PLEKHS1: variants seen among roughly 807,000 people sequenced by gnomAD.
PLEKHS1 encodes the protein pleckstrin homology domain containing S1.
Under a neutral mutation model 51.0 loss-of-function variants are expected in PLEKHS1, and 55 were observed. That is an observed-to-expected ratio of 1.08 (90% CI 0.87 to 1.35). The LOEUF (loss-of-function observed/expected upper bound fraction) is 1.35. Among genes scored for constraint, PLEKHS1 ranks in the 40% most tolerant of loss-of-function variants. The pLI is 0.00. For missense variants in PLEKHS1, 398 were observed against 423.0 expected, an observed-to-expected ratio of 0.94 and a Z score of 0.52; for synonymous variants, 153 against 144.8, an observed-to-expected ratio of 1.06 and a Z score of -0.41.
At chr10:113,772,155 A>G in intron 8 of PLEKHS1, 66 bp downstream of exon 8, 1 of 1,567,012 alleles carries the variant, frequency 6.4e-7, no homozygotes, top group Admixed American at 1.7e-5. Flanking sequence ...CCTGCCATGC[A>G]CTTTTCGTGC....
chr10:113,780,271 T>G (rs1453935422), intron 11 of PLEKHS1, among the ~76,000 whole-genome samples: 2 of 152,186 alleles, frequency 1.3e-5, no homozygotes. Context: ...GGGGGAGTCC[T>G]GTCTGGTGGT....
chr10:113,775,183 T>A, intron 10 of PLEKHS1, 148 bp downstream of exon 10: 1 of 727,394 alleles, frequency 1.4e-6, no homozygotes, highest in South Asian at 1.9e-5. Context: ...TCCCTGTCAT[T>A]GATGTTGTGG....
At position 113,755,324 on chromosome 10, in the gene PLEKHS1, C is replaced by A; in HGVS notation, c.28+19C>A. On this transcript the variant is annotated intron_variant, in intron 2 of 11. Coordinates refer to ENST00000361048, the Ensembl canonical transcript of PLEKHS1. Reference sequence around the variant, plus strand: ...AGTCCAGGTACCCGAGGGGTATAATCGCAGAAGCAGAAATCTTTTTATTGA... The same window carrying A: ...AGTCCAGGTACCCGAGGGGTATAATAGCAGAAGCAGAAATCTTTTTATTGA... 6.2e-7 allele frequency: 1 copy of A among 1,602,586 alleles called. No homozygotes were observed. The highest frequency in any genetic ancestry group is 1.3e-5 in the African/African-American group (1 of 74,416).
intron 2 of PLEKHS1, among the ~76,000 whole-genome samples, chr10:113,760,511 G>T (rs1470670717): frequency 6.6e-6 from 1 of 152,100 alleles, no homozygotes; most frequent in African/African-American, 2.4e-5. Context: ...ATCCTAGTGA[G>T]CATGAAGTGG....
intron 1 of PLEKHS1, among the ~76,000 whole-genome samples, chr10:113,753,432 T>C (rs546110728): frequency 1.3e-5 from 2 of 152,204 alleles, no homozygotes; most frequent in African/African-American, 4.8e-5. Flanking sequence ...TCACACAGAA[T>C]TGCTCTTCCA....
intron 11 of PLEKHS1, chr10:113,777,137 G>A (rs1329431512): frequency 2.5e-6 from 4 of 1,612,670 alleles, no homozygotes; most frequent in Non-Finnish European, 3.4e-6. Context: ...GTCTCAGTGG[G>A]AAGGCCCCCC....
intron 9 of PLEKHS1, 108 bp from the exon 10 acceptor site, chr10:113,774,717 AC>A: frequency 5.4e-6 from 5 of 927,390 alleles, no homozygotes; most frequent in Non-Finnish European, 8.4e-6. Flanking sequence ...ATACGTCAAG[AC>A]CTTGCTAGTC....
chr10:113,771,049 C>T (rs868477089), intron 7 of PLEKHS1, among the ~76,000 whole-genome samples: 2 of 152,254 alleles, frequency 1.3e-5, no homozygotes, highest in Middle Eastern at 3.4e-3. Flanking sequence ...TTTCCAAACC[C>T]CCTGCTCTGA....
rs139555650 is a variant in PLEKHS1 at position 113,764,161 on chromosome 10, C to T, written c.29-2250C>T. 7.0e-3 allele frequency among the ~76,000 whole-genome samples: 1,067 copies of T among 152,194 alleles called. 20 individuals are homozygous for T. The highest frequency in any genetic ancestry group is 0.022 in the African/African-American group (920 of 41,518). On this transcript the variant is annotated intron_variant, in intron 2 of 11. Transcript: ENST00000361048. The stretch of plus-strand genomic sequence containing the variant: ...TATCGCCCAGGCTGGAGTGCAGTGG[C>T]GCTATCTCGGCTCACTGCAACCTCT...
chr10:113,772,221 C>T (rs1238106680), intron 8 of PLEKHS1, 132 bp downstream of exon 8: 1 of 929,338 alleles, frequency 1.1e-6, no homozygotes, highest in Non-Finnish European at 1.6e-6. Context: ...AGATGACGTG[C>T]TCATGGTGCT....
chr10:113,773,449 T>C (rs1182842396), intron 8 of PLEKHS1, among the ~76,000 whole-genome samples: 4 of 151,774 alleles, frequency 2.6e-5, no homozygotes, highest in Non-Finnish European at 5.9e-5. Flanking sequence ...AATAAATAAG[T>C]AAAAAAACTA....
chr10:113,771,475 C>G (rs1252529483), intron 7 of PLEKHS1, among the ~76,000 whole-genome samples: 1 of 151,744 alleles, frequency 6.6e-6, no homozygotes, highest in Non-Finnish European at 1.5e-5. Flanking sequence ...AGTTTGAGAC[C>G]AGCCTGGCCA....
chr10:113,769,743 A>C (rs1435388155), intron 6 of PLEKHS1, 41 bp from the exon 7 acceptor site: 2 of 1,277,236 alleles, frequency 1.6e-6, no homozygotes, highest in East Asian at 4.6e-5. Flanking sequence ...TTCCAGACAG[A>C]GATCAACTGT....
chr10:113,762,543 A>C lies in PLEKHS1; in HGVS notation c.29-3868A>C, dbSNP rs149487713. On this transcript the variant is annotated intron_variant, in intron 2 of 11. Coordinates refer to ENST00000361048, the Ensembl canonical transcript of PLEKHS1. ...CACAAATTCTGATACCTTGTGTTTTAATTTTCATCCAGTTCAAAAAACTTT... is the reference window on the plus strand; with the variant it reads ...CACAAATTCTGATACCTTGTGTTTTCATTTTCATCCAGTTCAAAAAACTTT... Among the ~76,000 whole-genome samples the C allele has an allele frequency of 4.0e-3, 603 of 151,606 alleles. 7 individuals carry two copies. Among genetic ancestry groups the C allele is most frequent in the African/African-American group, 0.014 (583 of 41,448 alleles).
chr10:113,776,532 T>C (rs1322080779), intron 11 of PLEKHS1, among the ~76,000 whole-genome samples: 1 of 152,166 alleles, frequency 6.6e-6, no homozygotes, highest in Admixed American at 6.6e-5. Context: ...TTTTAAATAG[T>C]CCACAATCTA....
At chr10:113,776,753 G>A (rs913302136) in intron 11 of PLEKHS1, among the ~76,000 whole-genome samples, 1 of 152,046 alleles carries the variant, frequency 6.6e-6, no homozygotes, top group Non-Finnish European at 1.5e-5. Flanking sequence ...ATACTTCTGG[G>A]GTCATGTAAC....
chr10:113,766,443 G>T, exon 3 of PLEKHS1: 1 of 1,596,328 alleles, frequency 6.3e-7, no homozygotes, highest in South Asian at 1.1e-5. Context: ...TGAAAATGAA[G>T]TCTGCAAACA....
intron 2 of PLEKHS1, among the ~76,000 whole-genome samples, chr10:113,759,190 G>A (rs987339547): frequency 6.6e-6 from 1 of 152,114 alleles, no homozygotes; most frequent in African/African-American, 2.4e-5. Context: ...GATCACTTGA[G>A]GTCAGGAGTT....
chr10:113,781,662 GACACCTC>G, exon 12 of PLEKHS1: 1 of 56,048 alleles, frequency 1.8e-5, no homozygotes, highest in Middle Eastern at 0.012. Context: ...CTCCTTCCCA[GACACCTC>G]CTTCCCAACA....
Sources: gnomAD v4.1 joint callset for allele counts (sites outside exome capture counted in the v4.1 genomes callset) on GRCh38, gnomAD v4.1.1 for gene constraint, MANE v1.5 for transcripts, NCBI Gene and HGNC (gene_info 2026-07-23, HGNC 2026-07-21) for gene names.